RBFOX1: variants seen among roughly 807,000 people sequenced by gnomAD.
The protein encoded by RBFOX1 is RNA binding fox-1 homolog 1.
A neutral mutation model predicts 57.7 loss-of-function variants in RBFOX1; 8 were observed. That is an observed-to-expected ratio of 0.14 (90% CI 0.08 to 0.25). The LOEUF is 0.25. Ranked by LOEUF, RBFOX1 falls within the 10% of genes least tolerant of loss-of-function variation. RBFOX1 has a pLI of 1.00. For synonymous variants in RBFOX1, 326 were observed against 222.4 expected, an observed-to-expected ratio of 1.47 and a Z score of -4.15; for missense variants, 611 against 548.5, an observed-to-expected ratio of 1.11 and a Z score of -1.14.
At chr16:7,055,904 C>G (rs944387023) in intron 4 of RBFOX1, among the ~76,000 whole-genome samples, 4 of 151,970 alleles carry the variant, frequency 2.6e-5, no homozygotes, top group African/African-American at 9.7e-5. Context: ...GTGGGCTCAG[C>G]AACTTTGTGA....
intron 4 of RBFOX1, among the ~76,000 whole-genome samples, chr16:5,990,022 C>T (rs535164548): frequency 1.3e-5 from 2 of 152,164 alleles, no homozygotes; most frequent in South Asian, 4.1e-4. Flanking sequence ...ACTGGGTCTC[C>T]CTCTGTTGCC....
intron 1 of RBFOX1, among the ~76,000 whole-genome samples, chr16:5,424,300 A>C (rs1309309947): frequency 6.6e-6 from 1 of 152,206 alleles, no homozygotes; most frequent in Non-Finnish European, 1.5e-5. Context: ...TTGCCCATGC[A>C]GGTTTCACTG....
chr16:6,317,178 A>C (rs1418447126), intron 2 of RBFOX1, 121 bp downstream of exon 2: 6 of 920,772 alleles, frequency 6.5e-6, no homozygotes, highest in Non-Finnish European at 5.0e-6. Context: ...CTGCCTGCCT[A>C]TGTCTTTCTC....
intron 4 of RBFOX1, among the ~76,000 whole-genome samples, chr16:7,053,884 T>G (rs1437130957): frequency 6.6e-6 from 1 of 152,126 alleles, no homozygotes; most frequent in East Asian, 1.9e-4. Flanking sequence ...GAATTTATGT[T>G]TTGAATTGAT....
chr16:7,417,021 C>G (rs1157855611), intron 4 of RBFOX1, among the ~76,000 whole-genome samples: 1 of 151,952 alleles, frequency 6.6e-6, no homozygotes, highest in Admixed American at 6.6e-5. Context: ...TACACTTTGC[C>G]TAAATTTTTT....
At chr16:7,688,260 T>TGTGTGTGAGAGAGAGAGAGAGAGA (rs1319185243) in intron 14 of RBFOX1, among the ~76,000 whole-genome samples, 1 of 125,296 alleles carries the variant, frequency 8.0e-6, no homozygotes, top group African/African-American at 3.0e-5. Flanking sequence ...TGTGTGTGTG[T>TGTGTGTGAGAGAGAGAGAGAGAGA]GAGAGAGAGA....
At chr16:5,476,477 C>G (rs533132832) in intron 2 of RBFOX1, among the ~76,000 whole-genome samples, 1 of 152,248 alleles carries the variant, frequency 6.6e-6, no homozygotes, top group Non-Finnish European at 1.5e-5. Context: ...GGACCGTGAG[C>G]TCATTACTCA....
chr16:5,897,187 C>T (rs1434351038), intron 4 of RBFOX1, among the ~76,000 whole-genome samples: 1 of 152,002 alleles, frequency 6.6e-6, no homozygotes, highest in Non-Finnish European at 1.5e-5. Context: ...AGGCGCCCGC[C>T]ACCGCGCCCG....
chr16:6,031,107 G>C (rs574624737), intron 1 of RBFOX1, among the ~76,000 whole-genome samples: 7 of 152,154 alleles, frequency 4.6e-5, no homozygotes, highest in African/African-American at 1.7e-4. Flanking sequence ...GACCCTGTTC[G>C]GTAGGAACAT....
chr16:7,517,358 C>G (rs1442464184), intron 4 of RBFOX1, among the ~76,000 whole-genome samples: 1 of 151,940 alleles, frequency 6.6e-6, no homozygotes, highest in East Asian at 1.9e-4. Context: ...ATATAATACT[C>G]TGTGCTCATA....
chr16:5,748,236 G>C (rs1277887190), intron 3 of RBFOX1, among the ~76,000 whole-genome samples: 1 of 152,088 alleles, frequency 6.6e-6, no homozygotes, highest in Non-Finnish European at 1.5e-5. Context: ...TGTGGTCTGA[G>C]AGACAGTTTG....
chr16:7,186,862 A>G (rs1342751610), intron 4 of RBFOX1, among the ~76,000 whole-genome samples: 1 of 151,504 alleles, frequency 6.6e-6, no homozygotes, highest in Non-Finnish European at 1.5e-5. Flanking sequence ...TTATTTTTAA[A>G]ATATAGCTCT....
intron 3 of RBFOX1, among the ~76,000 whole-genome samples, chr16:6,990,440 G>T (rs747414634): frequency 6.6e-6 from 1 of 152,034 alleles, no homozygotes; most frequent in Non-Finnish European, 1.5e-5. Flanking sequence ...CAGGAGAATC[G>T]CTTGAACCTG....
At chr16:6,958,300 A>T (rs1046843191) in intron 3 of RBFOX1, among the ~76,000 whole-genome samples, 11 of 152,088 alleles carry the variant, frequency 7.2e-5, no homozygotes, top group Admixed American at 6.5e-5. Context: ...ATTCCAACAC[A>T]CTCTATTCAA....
At chr16:5,700,174 T>C (rs541199507) in intron 3 of RBFOX1, among the ~76,000 whole-genome samples, 2 of 152,358 alleles carry the variant, frequency 1.3e-5, no homozygotes, top group African/African-American at 2.4e-5. Context: ...TTAATATTTT[T>C]TGAAATAGTT....
chr16:6,854,300 A>AT (rs2057390043), intron 3 of RBFOX1, among the ~76,000 whole-genome samples: 1 of 152,166 alleles, frequency 6.6e-6, no homozygotes, highest in Non-Finnish European at 1.5e-5. Context: ...GAGGATCAAT[A>AT]TGACTGTATT....
chr16:5,415,625 C>T (rs563371681), intron 1 of RBFOX1, among the ~76,000 whole-genome samples: 2 of 152,278 alleles, frequency 1.3e-5, no homozygotes, highest in African/African-American at 4.8e-5. Context: ...GAATTTAATA[C>T]CACTGTTTGG....
At chr16:6,630,426 T>C (rs926062736) in intron 2 of RBFOX1, among the ~76,000 whole-genome samples, 18 of 152,186 alleles carry the variant, frequency 1.2e-4, no homozygotes, top group African/African-American at 4.1e-4. Context: ...ATGGTAAGGT[T>C]AATGGTCATA....
intron 4 of RBFOX1, among the ~76,000 whole-genome samples, chr16:7,281,120 A>G: frequency 6.6e-6 from 1 of 151,804 alleles, no homozygotes; most frequent in Non-Finnish European, 1.5e-5. Flanking sequence ...CTCCTGCCTC[A>G]GCCTCCTGAA....
Sources: gnomAD v4.1 joint callset for allele counts (sites outside exome capture counted in the v4.1 genomes callset) on GRCh38, gnomAD v4.1.1 for gene constraint, MANE v1.5 for transcripts, NCBI Gene and HGNC (gene_info 2026-07-23, HGNC 2026-07-21) for gene names.